Variants in NTRK2 observed in about 807,000 individuals in gnomAD.
NTRK2 encodes BDNF/NT-3 growth factors receptor.
Under a neutral mutation model 94.5 loss-of-function variants are expected in NTRK2, and 13 were observed. The ratio of observed to expected loss-of-function variants is 0.14; its 90% confidence interval spans 0.09 to 0.22. NTRK2 has a LOEUF of 0.22. Ranked by LOEUF, NTRK2 falls within the 10% of genes least tolerant of loss-of-function variation. NTRK2 has a pLI of 1.00. For synonymous variants in NTRK2, 372 were observed against 407.4 expected, an observed-to-expected ratio of 0.91 and a Z score of 1.05; for missense variants, 639 against 1,071.2, an observed-to-expected ratio of 0.60 and a Z score of 5.63.
intron 17 of NTRK2, among the ~76,000 whole-genome samples, chr9:84,993,119 C>T (rs1829302776): frequency 6.6e-6 from 1 of 152,094 alleles, no homozygotes; most frequent in Admixed American, 6.6e-5. Context: ...ATTATAGGCA[C>T]TGTTTCTTAG....
chr9:84,827,129 G>C lies in NTRK2; in HGVS notation c.1397-33911G>C, dbSNP rs547858367. The stretch of plus-strand genomic sequence containing the variant: ...ATTCACTTCAATGGTCCACATAGGT[G>C]GTCATCAGAGTGAATTCTATGGGGA... On this transcript the variant is annotated intron_variant, in intron 12 of 18. Transcript: ENST00000277120. Among the ~76,000 whole-genome samples the C allele has an allele frequency of 6.0e-4, 91 of 152,278 alleles. 1 individual carries two copies. Among genetic ancestry groups the C allele is most frequent in the African/African-American group, 2.1e-3 (87 of 41,558 alleles).
rs976120891 is a variant in NTRK2, at chr9:84,874,174, A to G, written c.1633+6743A>G. ...CGGATTGGCCACTCTTGCATGTGCT[A>G]GTAGATTGTGGACCAGGACCAGCTG... On this transcript the variant is annotated intron_variant, in intron 14 of 18. Coordinates refer to ENST00000277120, the MANE Select transcript of NTRK2 (RefSeq NM_006180.6). The G allele has an allele frequency of 3.4e-5, 36 of 1,064,800 alleles. No individual in the cohort carries two copies. The African/African-American group carries it at 3.8e-4, about 11-fold the overall frequency. 66.0% of individuals were successfully genotyped at this position (1,064,800 alleles called of 1,614,324 possible).
intron 12 of NTRK2, among the ~76,000 whole-genome samples, chr9:84,839,994 C>T (rs1448730321): frequency 2.6e-5 from 4 of 152,164 alleles, no homozygotes; most frequent in Non-Finnish European, 5.9e-5. Flanking sequence ...TCCCTCCCTT[C>T]CTCCTTTCAT....
At chr9:84,836,024 G>A (rs1304462202) in intron 12 of NTRK2, among the ~76,000 whole-genome samples, 2 of 151,882 alleles carry the variant, frequency 1.3e-5, no homozygotes, top group African/African-American at 2.4e-5. Context: ...CCATCACATT[G>A]TGGGGCCGTC....
At chr9:85,006,898 G>A (rs765179177) in intron 17 of NTRK2, among the ~76,000 whole-genome samples, 2 of 152,094 alleles carry the variant, frequency 1.3e-5, no homozygotes, top group South Asian at 2.1e-4. Flanking sequence ...GTATGTGCCC[G>A]CAGCCCCACC....
intron 7 of NTRK2, 95 bp downstream of exon 7, chr9:84,723,804 A>G: frequency 6.7e-7 from 1 of 1,497,736 alleles, no homozygotes; most frequent in Non-Finnish European, 9.3e-7. Context: ...TTGATATTTT[A>G]TAAGGCTACA....
In NTRK2 at chr9:84,673,838, A is replaced by G. The variant is rs976224380; in HGVS notation, c.212+2878A>G. Among the ~76,000 whole-genome samples the G allele has an allele frequency of 5.9e-5, 9 of 152,342 alleles. 1 individual carries two copies. Among genetic ancestry groups the G allele is most frequent in the Middle Eastern group, 6.8e-3 (2 of 294 alleles). ...ATGTGACATAACTAGATCAATATCT[A>G]TCTATAGGTATGTATCACGCCTGCT... On this transcript the variant is annotated intron_variant, in intron 2 of 18. Coordinates refer to ENST00000277120, the MANE Select transcript of NTRK2 (RefSeq NM_006180.6).
intron 14 of NTRK2, among the ~76,000 whole-genome samples, chr9:84,882,719 T>TGTGTGCGCGCGCGCGCGC (rs761042296): frequency 1.7e-4 from 25 of 145,828 alleles, no homozygotes; most frequent in South Asian, 6.3e-4. Flanking sequence ...TGTGTGTGTG[T>TGTGTGCGCGCGCGCGCGC]GCGCGCGCGC....
chr9:84,828,962 T>C (rs924765362), intron 12 of NTRK2, among the ~76,000 whole-genome samples: 1 of 151,926 alleles, frequency 6.6e-6, no homozygotes, highest in African/African-American at 2.4e-5. Flanking sequence ...GTTTTTTTTT[T>C]AAAGAAGCCA....
chr9:84,705,553 C>T (rs955160630), intron 4 of NTRK2, among the ~76,000 whole-genome samples: 8 of 152,138 alleles, frequency 5.3e-5, no homozygotes, highest in Admixed American at 3.3e-4. Context: ...AGCAGCTCTG[C>T]GGGGCGGCGG....
chr9:84,839,069 A>T (rs1262310606), intron 12 of NTRK2, among the ~76,000 whole-genome samples: 1 of 152,184 alleles, frequency 6.6e-6, no homozygotes, highest in Non-Finnish European at 1.5e-5. Flanking sequence ...TAACACTCAC[A>T]TTTGCACTGA....
chr9:84,682,054 T>C (rs36118278), intron 2 of NTRK2, among the ~76,000 whole-genome samples: 5,036 of 152,296 alleles, frequency 0.033, 95 homozygotes, highest in Admixed American at 0.046. Context: ...TAAGCTTGCC[T>C]GAGGCATCCA....
At chr9:84,710,498 A>G in intron 5 of NTRK2, 139 bp from the exon 6 acceptor site, 1 of 827,050 alleles carries the variant, frequency 1.2e-6, no homozygotes, top group Non-Finnish European at 2.0e-6. Context: ...AATAATAAGT[A>G]CTGTCATGCT....
At chr9:84,876,519 G>A in intron 14 of NTRK2, 1 of 1,055,834 alleles carries the variant, frequency 9.5e-7, no homozygotes, top group Non-Finnish European at 1.1e-6. Context: ...CTTTACCCAG[G>A]ATCAGAACTC....
chr9:84,711,863 C>A (rs989207317), intron 6 of NTRK2, among the ~76,000 whole-genome samples: 2 of 152,124 alleles, frequency 1.3e-5, no homozygotes, highest in African/African-American at 4.8e-5. Flanking sequence ...CAAATAGAGT[C>A]CTTTGGTTTC....
At chr9:84,951,963 G>C (rs1481291053) in intron 16 of NTRK2, among the ~76,000 whole-genome samples, 1 of 152,070 alleles carries the variant, frequency 6.6e-6, no homozygotes, top group Admixed American at 6.5e-5. Flanking sequence ...GTTAGGGTGG[G>C]AAATGAGGAA....
At chr9:84,693,474 T>G (rs1016045943) in intron 2 of NTRK2, among the ~76,000 whole-genome samples, 1 of 152,120 alleles carries the variant, frequency 6.6e-6, no homozygotes, top group Admixed American at 6.5e-5. Context: ...AGAGTGTAAT[T>G]TTTTTCTTTA....
chr9:84,777,668 G>A (rs560291683), intron 12 of NTRK2, among the ~76,000 whole-genome samples: 27 of 152,226 alleles, frequency 1.8e-4, no homozygotes, highest in Non-Finnish European at 3.2e-4. Context: ...GCTGATTTCC[G>A]CGGTGTAAAC....
chr9:84,671,043 G>A, intron 2 of NTRK2, 83 bp downstream of exon 2: 1 of 1,291,414 alleles, frequency 7.7e-7, no homozygotes, highest in Non-Finnish European at 1.1e-6. Flanking sequence ...GGAAGTGAAT[G>A]CTGTCCCAAG....
Sources: gnomAD v4.1 joint callset for allele counts (sites outside exome capture counted in the v4.1 genomes callset) on GRCh38, gnomAD v4.1.1 for gene constraint, MANE v1.5 for transcripts, NCBI Gene and HGNC (gene_info 2026-07-23, HGNC 2026-07-21) for gene names.